STK40: variants seen among roughly 807,000 people sequenced by gnomAD.
The protein encoded by STK40 is serine/threonine-protein kinase 40.
In STK40, 13 loss-of-function variants were observed where a neutral mutation model predicts 47.9. That is an observed-to-expected ratio of 0.27 (90% CI 0.18 to 0.43). The LOEUF is 0.43. STK40 is among the 20% of genes least tolerant of loss of function. STK40 has a pLI of 1.00. For synonymous variants in STK40, 225 were observed against 243.2 expected (o/e 0.93, Z 0.69); for missense variants, 460 against 595.1 (o/e 0.77, Z 2.36).
chr1:36,368,231 ACCT>A (rs1646917272), intron 1 of STK40: 1 of 152,002 alleles, frequency 6.6e-6, no homozygotes, highest in Admixed American at 6.6e-5. Context: ...GGCATCACAC[ACCT>A]CCTAACATGA....
intron 1 of STK40, among the ~76,000 whole-genome samples, chr1:36,361,975 T>C (rs967794547): frequency 2.6e-5 from 4 of 152,190 alleles, no homozygotes; most frequent in African/African-American, 7.2e-5. Flanking sequence ...AAGTTGTCAA[T>C]GGCAGGGTTT....
intron 2 of STK40, among the ~76,000 whole-genome samples, chr1:36,360,904 C>G (rs1166272163): frequency 1.3e-5 from 2 of 152,132 alleles, no homozygotes; most frequent in Non-Finnish European, 2.9e-5. Flanking sequence ...GAGCACGTCA[C>G]CATTCTAGGG....
chr1:36,381,704 G>T (rs72663469), intron 1 of STK40, among the ~76,000 whole-genome samples: 14,598 of 152,092 alleles, frequency 0.096, 836 homozygotes, highest in Middle Eastern at 0.26. Flanking sequence ...GGCCAGGCTG[G>T]TCTTCAATTT....
intron 1 of STK40, among the ~76,000 whole-genome samples, chr1:36,384,669 C>A (rs1023548233): frequency 3.9e-5 from 6 of 152,170 alleles, no homozygotes; most frequent in African/African-American, 1.4e-4. Flanking sequence ...TGCCTCTAGG[C>A]AAGGACTCTT....
chr1:36,343,101 C>G, intron 10 of STK40: 1 of 632,352 alleles, frequency 1.6e-6, no homozygotes, highest in Non-Finnish European at 2.9e-6. Flanking sequence ...GAGGGCTGGC[C>G]TGGGCCACTT....
At chr1:36,374,380 CTT>C (rs1177609848) in intron 1 of STK40, among the ~76,000 whole-genome samples, 1 of 152,228 alleles carries the variant, frequency 6.6e-6, no homozygotes, top group Non-Finnish European at 1.5e-5. Flanking sequence ...TAGAGAGAAG[CTT>C]TCTCTGCAGG....
intron 7 of STK40, among the ~76,000 whole-genome samples, chr1:36,346,023 C>G (rs1264046899): frequency 3.0e-5 from 2 of 67,416 alleles, no homozygotes; most frequent in Non-Finnish European, 6.0e-5. Context: ...GAGACAGAGT[C>G]TTGCTCTGTT....
At chr1:36,359,663 C>T (rs532967540) in intron 2 of STK40, among the ~76,000 whole-genome samples, 97 of 152,348 alleles carry the variant, frequency 6.4e-4, no homozygotes, top group African/African-American at 2.2e-3. Context: ...AAACTCTTAA[C>T]GAAGCTCCGC....
At chr1:36,361,943 T>G (rs1022406022) in intron 1 of STK40, among the ~76,000 whole-genome samples, 2 of 152,174 alleles carry the variant, frequency 1.3e-5, no homozygotes, top group African/African-American at 4.8e-5. Context: ...TCTCTGGTCC[T>G]CTCAGATGAA....
rs1646823370 is a variant in STK40 at position 36,358,365 on chromosome 1, C to T, written c.216G>A (p.Glu72=). Residue 72 remains glutamate, a synonymous_variant, in exon 4 of 11, where the codon GAG becomes GAA. Coordinates refer to ENST00000373132, the MANE Select transcript of STK40 (RefSeq NM_001282547.2). ...FYQLKILTLE[E]RGDQGIESQE... is the part of the protein sequence containing the mutation. ...GGCTCTCTATGCCTTGGTCCCCCCT[C>T]TCCTCCAGGGTCAGGATCTTTAGGA... 3 of 1,604,030 alleles carry T rather than the reference C, an allele frequency of 1.9e-6. No individual in the cohort carries two copies. Among genetic ancestry groups the T allele is most frequent in the African/African-American group, 1.3e-5 (1 of 74,878 alleles).
At chr1:36,362,175 C>G (rs1646857938) in intron 1 of STK40, among the ~76,000 whole-genome samples, 3 of 152,184 alleles carry the variant, frequency 2.0e-5, no homozygotes, top group Admixed American at 2.0e-4. Flanking sequence ...CTAAAAGACA[C>G]CTCTGGACAC....
chr1:36,354,066 T>G (rs1026468998), intron 6 of STK40, among the ~76,000 whole-genome samples: 7 of 152,110 alleles, frequency 4.6e-5, no homozygotes, highest in African/African-American at 1.7e-4. Flanking sequence ...CACCTGACCA[T>G]TTAGTCCATT....
At position 36,341,003 on chromosome 1, in the gene STK40, C is replaced by T. The variant is rs1258149915; in HGVS notation, c.*752G>A. ...GAAAGAGCCAGGTCTAGAAAGGCCT[C>T]CCATCACCGGCAGCAGAGAGGGACT... On this transcript the variant is annotated 3_prime_UTR_variant, in exon 11 of 11. Transcript: ENST00000373132. 1 of 152,558 alleles carries T rather than the reference C, an allele frequency of 6.6e-6. No individual in the cohort carries two copies. Among genetic ancestry groups the T allele is most frequent in the Non-Finnish European group, 1.5e-5 (1 of 68,366 alleles). The allele number at this position is 152,558 out of a possible 1,614,324, so 9.5% of individuals were successfully genotyped here.
chr1:36,349,215 C>G (rs1175671485), intron 6 of STK40, among the ~76,000 whole-genome samples: 1 of 152,224 alleles, frequency 6.6e-6, no homozygotes, highest in Non-Finnish European at 1.5e-5. Flanking sequence ...TTTCCTCATT[C>G]ACACATGAGG....
At chr1:36,343,548 TGA>T in intron 9 of STK40, 100 bp from the exon 10 acceptor site, 1 of 1,160,670 alleles carries the variant, frequency 8.6e-7, no homozygotes, top group South Asian at 1.5e-5. Context: ...GTTCCTGCCA[TGA>T]GAGACTGCTT....
At chr1:36,384,035 T>C (rs1339317777) in intron 1 of STK40, among the ~76,000 whole-genome samples, 3 of 150,050 alleles carry the variant, frequency 2.0e-5, no homozygotes, top group Non-Finnish European at 1.5e-5. Context: ...CTTCTTCTTT[T>C]TTTTTTTTTT....
intron 10 of STK40, chr1:36,342,988 T>C: frequency 3.4e-6 from 2 of 590,116 alleles, no homozygotes; most frequent in Non-Finnish European, 6.0e-6. Context: ...AGGAAAGAAA[T>C]AGGGAGAAAT....
chr1:36,385,330 C>T (rs1647076056), intron 1 of STK40, among the ~76,000 whole-genome samples: 1 of 150,696 alleles, frequency 6.6e-6, no homozygotes, highest in Admixed American at 6.6e-5. Flanking sequence ...TCCCTGGGGA[C>T]TCGTTCTAAC....
chr1:36,383,666 C>A lies in STK40; in HGVS notation c.-9+2057G>T, dbSNP rs1647059896. 2.0e-5 allele frequency among the ~76,000 whole-genome samples: 3 copies of A among 152,358 alleles called. No individual in the cohort carries two copies. The South Asian group carries it at 6.2e-4, about 32-fold the overall frequency. On this transcript the variant is annotated intron_variant, in intron 1 of 10. Transcript: ENST00000373132. Reference sequence around the variant, plus strand: ...AATCATGTCATTCCTCTGCTTCAGACCTTTTCACTTGCTCCCGGCTGCCCT... The same window carrying A: ...AATCATGTCATTCCTCTGCTTCAGAACTTTTCACTTGCTCCCGGCTGCCCT...
Sources: gnomAD v4.1 joint callset for allele counts (sites outside exome capture counted in the v4.1 genomes callset) on GRCh38, gnomAD v4.1.1 for gene constraint, MANE v1.5 for transcripts, NCBI Gene and HGNC (gene_info 2026-07-23, HGNC 2026-07-21) for gene names.